SGCG: variants seen among roughly 807,000 people sequenced by gnomAD.
SGCG encodes the protein gamma-sarcoglycan.
Under a neutral mutation model 29.3 loss-of-function variants are expected in SGCG, and 26 were observed. The observed-to-expected ratio is 0.89, with a 90% CI of 0.65 to 1.23. The LOEUF (loss-of-function observed/expected upper bound fraction) is 1.23, where lower values mean the gene tolerates loss of function less well. Ranked by LOEUF, SGCG falls within the 50% of genes most tolerant of loss-of-function variation. The pLI is 0.00. For missense variants in SGCG, 353 were observed against 356.0 expected, an observed-to-expected ratio of 0.99 and a Z score of 0.07; for synonymous variants, 145 against 129.7, an observed-to-expected ratio of 1.12 and a Z score of -0.80.
At chr13:23,190,946 A>G (rs1877223718) in intron 1 of SGCG, among the ~76,000 whole-genome samples, 1 of 152,238 alleles carries the variant, frequency 6.6e-6, no homozygotes, top group African/African-American at 2.4e-5. Flanking sequence ...TCTGTTGATA[A>G]TAACCTTCAG....
intron 5 of SGCG, among the ~76,000 whole-genome samples, chr13:23,282,715 G>A (rs1262809623): frequency 1.2e-4 from 6 of 50,490 alleles, no homozygotes; most frequent in Non-Finnish European, 3.8e-4. Context: ...TATCCAGTCT[G>A]TTACTGATGA....
At chr13:23,202,586 C>T (rs9580572) in intron 1 of SGCG, among the ~76,000 whole-genome samples, 41,263 of 151,984 alleles carry the variant, frequency 0.27, 5,850 homozygotes, top group Middle Eastern at 0.34. Flanking sequence ...AATGTGCTTA[C>T]GAAATCATTA....
At chr13:23,294,335 T>A (rs1431698304) in intron 5 of SGCG, among the ~76,000 whole-genome samples, 1 of 152,202 alleles carries the variant, frequency 6.6e-6, no homozygotes, top group East Asian at 1.9e-4. Context: ...GATTTAAATA[T>A]AATGTGAAAG....
At chr13:23,210,935 G>A (rs1053009868) in intron 2 of SGCG, among the ~76,000 whole-genome samples, 1 of 150,262 alleles carries the variant, frequency 6.7e-6, no homozygotes, top group African/African-American at 2.5e-5. Flanking sequence ...TCCGAAAAAA[G>A]TCCTTTTGGG....
chr13:23,297,833 C>G (rs1310143809), intron 6 of SGCG, among the ~76,000 whole-genome samples: 4 of 151,692 alleles, frequency 2.6e-5, no homozygotes, highest in Non-Finnish European at 5.9e-5. Flanking sequence ...CAACCTCTGC[C>G]TCCCGGATTC....
intron 4 of SGCG, among the ~76,000 whole-genome samples, chr13:23,252,182 TATC>T (rs1008438506): frequency 2.0e-5 from 3 of 152,182 alleles, no homozygotes; most frequent in African/African-American, 7.2e-5. Flanking sequence ...TATACAGTAT[TATC>T]ATTTATCTTT....
chr13:23,209,877 T>C (rs1416256989), intron 2 of SGCG, among the ~76,000 whole-genome samples: 1 of 152,226 alleles, frequency 6.6e-6, no homozygotes. Context: ...TGATCATTCA[T>C]TGGAAATTTG....
At chr13:23,168,100 G>A in the SGCG span, among the ~76,000 whole-genome samples, 1 of 151,964 alleles carries the variant, frequency 6.6e-6, no homozygotes, top group Non-Finnish European at 1.5e-5. Flanking sequence ...GAGCTCCCTA[G>A]ATATTCTGGT....
At chr13:23,233,550 A>G (rs1879187762) in intron 2 of SGCG, among the ~76,000 whole-genome samples, 1 of 152,142 alleles carries the variant, frequency 6.6e-6, no homozygotes, top group South Asian at 2.1e-4. Context: ...TAGTTGTTTA[A>G]TGGGTATAGT....
chr13:23,219,051 TTG>T (rs1192277498), intron 2 of SGCG, among the ~76,000 whole-genome samples: 4 of 143,760 alleles, frequency 2.8e-5, no homozygotes, highest in South Asian at 2.2e-4. Flanking sequence ...TTTTTATGGG[TTG>T]TTTTTTTTTC....
intron 6 of SGCG, among the ~76,000 whole-genome samples, chr13:23,310,148 A>G (rs1428660051): frequency 1.5e-5 from 2 of 131,572 alleles, no homozygotes; most frequent in Non-Finnish European, 3.1e-5. Context: ...GTGCAGTGAC[A>G]CGATCTCGGC....
At chr13:23,231,030 T>A (rs969669893) in intron 2 of SGCG, among the ~76,000 whole-genome samples, 2 of 152,238 alleles carry the variant, frequency 1.3e-5, no homozygotes, top group Non-Finnish European at 2.9e-5. Flanking sequence ...CTTTTCTACA[T>A]CTATTGAGAT....
chr13:23,302,612 ACT>A (rs1217586406), intron 6 of SGCG, among the ~76,000 whole-genome samples: 18 of 152,080 alleles, frequency 1.2e-4, no homozygotes, highest in Non-Finnish European at 1.9e-4. Flanking sequence ...TCAAAATATC[ACT>A]CTGTACTCCA....
intron 2 of SGCG, among the ~76,000 whole-genome samples, chr13:23,221,129 C>T (rs1878641475): frequency 6.6e-6 from 1 of 152,198 alleles, no homozygotes; most frequent in Non-Finnish European, 1.5e-5. Context: ...CAACTTAGGT[C>T]TGATGCCTAA....
At chr13:23,289,937 G>T (rs1260605274) in intron 5 of SGCG, among the ~76,000 whole-genome samples, 1 of 152,186 alleles carries the variant, frequency 6.6e-6, no homozygotes, top group East Asian at 1.9e-4. Flanking sequence ...AGACCAGTTA[G>T]GAGGATGTCA....
At chr13:23,211,529 TA>T (rs1878212472) in intron 2 of SGCG, among the ~76,000 whole-genome samples, 4 of 152,176 alleles carry the variant, frequency 2.6e-5, no homozygotes, top group African/African-American at 4.8e-5. Context: ...TATTCCCACT[TA>T]CCTGCACATC....
chr13:23,280,176 C>A (rs1881255324), intron 5 of SGCG, among the ~76,000 whole-genome samples: 1 of 152,092 alleles, frequency 6.6e-6, no homozygotes, highest in South Asian at 2.1e-4. Context: ...AAAAAGTTCT[C>A]TTTTTGAACT....
rs145732275 is a variant in SGCG at position 23,275,214 on chromosome 13, T to G, written c.386-4145T>G. On this transcript the variant is annotated intron_variant, in intron 4 of 7. Transcript: ENST00000218867. ...TCAGGGTTTCCAGATGGCAGAAGAT[T>G]GGTTAAAAGTGATCATCTGGCTGGG... Among the ~76,000 whole-genome samples the G allele has an allele frequency of 7.6e-3, 1,140 of 150,650 alleles. 18 individuals are homozygous for G. Among genetic ancestry groups the G allele is most frequent in the African/African-American group, 0.026 (1,053 of 41,152 alleles).
At chr13:23,305,244 G>A (rs974522882) in intron 6 of SGCG, among the ~76,000 whole-genome samples, 3 of 152,182 alleles carry the variant, frequency 2.0e-5, no homozygotes, top group African/African-American at 7.2e-5. Context: ...CCTCTCAGGA[G>A]CATTGAAAAG....
Sources: gnomAD v4.1 joint callset for allele counts (sites outside exome capture counted in the v4.1 genomes callset) on GRCh38, gnomAD v4.1.1 for gene constraint, MANE v1.5 for transcripts, NCBI Gene and HGNC (gene_info 2026-07-23, HGNC 2026-07-21) for gene names.